Variants in FGFR1OP2 observed in about 807,000 individuals in gnomAD.
The protein encoded by FGFR1OP2 is FGFR1 oncogene partner 2.
In FGFR1OP2, 17 loss-of-function variants were observed where a neutral mutation model predicts 35.2. That is an observed-to-expected ratio of 0.48 (90% CI 0.33 to 0.73). The LOEUF is 0.73. Ranked by LOEUF, FGFR1OP2 falls within the 30% of genes least tolerant of loss-of-function variation. The probability of loss-of-function intolerance (pLI) is 0.02; values close to 1 mark genes in which losing one functional copy is unlikely to be tolerated. For missense variants in FGFR1OP2, 251 were observed against 307.3 expected (o/e 0.82, Z 1.37); for synonymous variants, 105 against 104.6 (o/e 1.00, Z -0.03).
rs140695503 is a variant in FGFR1OP2 at position 26,946,143 on chromosome 12, A to G, written c.-15+7433A>G. Among the ~76,000 whole-genome samples the G allele has an allele frequency of 2.8e-3, 429 of 152,284 alleles. 3 individuals carry two copies. Among genetic ancestry groups the G allele is most frequent in the African/African-American group, 9.6e-3 (401 of 41,556 alleles). ...TTCAGCAGTAAGGGTGGATATGCCT[A>G]TATATCCCTTCAGTTGTTTGAGTTA... On this transcript the variant is annotated intron_variant, in intron 1 of 6. Transcript: ENST00000229395.
chr12:26,951,014 G>A (rs1250743080), intron 1 of FGFR1OP2, among the ~76,000 whole-genome samples: 2 of 152,184 alleles, frequency 1.3e-5, no homozygotes, highest in Non-Finnish European at 2.9e-5. Flanking sequence ...TAGCAATAGG[G>A]ATTTACTATG....
chr12:26,952,409 C>T (rs982646486), intron 1 of FGFR1OP2, among the ~76,000 whole-genome samples: 1 of 151,978 alleles, frequency 6.6e-6, no homozygotes, highest in Admixed American at 6.6e-5. Flanking sequence ...GGCCCTTTTA[C>T]TCCTCATATT....
At position 26,966,101 on chromosome 12, in the gene FGFR1OP2, C is replaced by G. The variant is rs1413580052; in HGVS notation, c.*1368C>G. 6.6e-6 allele frequency: 1 copy of G among 151,912 alleles called. No homozygotes were observed. Among genetic ancestry groups the G allele is most frequent in the Non-Finnish European group, 1.5e-5 (1 of 67,922 alleles). 9.4% of individuals were successfully genotyped at this position (151,912 alleles called of 1,614,324 possible). A position where few individuals can be genotyped will look rare whatever the true frequency, so the allele number is the denominator to read the frequency against. The stretch of plus-strand genomic sequence containing the variant: ...CATATATTGGTAAAATTCAAAACTA[C>G]ACTTGAGAATTTTTTTATCTTAAGT... On this transcript the variant is annotated 3_prime_UTR_variant, in exon 7 of 7. Transcript: ENST00000229395.
At chr12:26,943,959 T>C (rs187750906) in intron 1 of FGFR1OP2, among the ~76,000 whole-genome samples, 1 of 152,366 alleles carries the variant, frequency 6.6e-6, no homozygotes, top group Admixed American at 6.5e-5. Flanking sequence ...AAACAAATTT[T>C]GCATATGTTT....
chr12:26,946,849 T>C (rs547514930), intron 1 of FGFR1OP2, among the ~76,000 whole-genome samples: 2 of 152,318 alleles, frequency 1.3e-5, no homozygotes, highest in South Asian at 4.1e-4. Flanking sequence ...TCCTAATCCC[T>C]CAGTCCTAGA....
intron 3 of FGFR1OP2, among the ~76,000 whole-genome samples, chr12:26,956,902 A>G (rs575675743): frequency 1.3e-5 from 2 of 152,166 alleles, no homozygotes; most frequent in African/African-American, 4.8e-5. Context: ...GAAATGTCCA[A>G]ACTGATCTCC....
At chr12:26,956,137 C>A (rs769274078) in intron 2 of FGFR1OP2, among the ~76,000 whole-genome samples, 3 of 152,092 alleles carry the variant, frequency 2.0e-5, no homozygotes, top group Non-Finnish European at 4.4e-5. Context: ...CACCCCTGAA[C>A]TACATCATTT....
rs765226234 is a variant in FGFR1OP2, at chr12:26,960,504, C to T, written c.397-11C>T. 6.3e-7 allele frequency: 1 copy of T among 1,593,438 alleles called. No individual in the cohort carries two copies. Among genetic ancestry groups the T allele is most frequent in the Admixed American group, 1.7e-5 (1 of 59,816 alleles). On this transcript the variant is annotated splice_polypyrimidine_tract_variant and intron_variant, in intron 4 of 6. Coordinates refer to ENST00000229395, the MANE Select transcript of FGFR1OP2 (RefSeq NM_015633.3). ...TATCCGTATTAACATTATAATGACT[C>T]TATACTACAGATTGACATGGTACAT...
intron 1 of FGFR1OP2, among the ~76,000 whole-genome samples, chr12:26,940,144 A>C (rs999744280): frequency 6.6e-6 from 1 of 152,214 alleles, no homozygotes; most frequent in Non-Finnish European, 1.5e-5. Context: ...ATGTGCATTC[A>C]GGCAACTCTT....
In FGFR1OP2 at chr12:26,964,605, A is replaced by C; in HGVS notation, c.634A>C (p.Lys212Gln). 6.2e-7 allele frequency: 1 copy of C among 1,611,044 alleles called. No individual in the cohort carries two copies. Among genetic ancestry groups the C allele is most frequent in the East Asian group, 2.2e-5 (1 of 44,814 alleles). The change falls in exon 7 of 7, where the codon AAA becomes CAA. Residue 212 changes from lysine (K) to glutamine (Q), a missense_variant. By Grantham distance (53) the Lys-to-Gln change is moderately conservative. Coordinates refer to ENST00000229395, the MANE Select transcript of FGFR1OP2 (RefSeq NM_015633.3). ...ERIFQLEQEN[K>Q]GLREILQITR... ...TTTGCTTGCCTTTTAGCAAGAAAAC[A>C]AAGGCTTGAGAGAGATCCTTCAAAT...
chr12:26,965,908 G>T lies in FGFR1OP2; in HGVS notation c.*1175G>T, dbSNP rs1353117753. 7.9e-5 allele frequency: 12 copies of T among 151,984 alleles called. No individual in the cohort carries two copies. The highest frequency in any genetic ancestry group is 1.8e-4 in the Non-Finnish European group (12 of 67,934). 9.4% of individuals were successfully genotyped at this position (151,984 alleles called of 1,614,324 possible). Reference sequence around the variant, plus strand: ...TCAGTTGAAACCTAAATTTTCTTATGTTGTGGTGATTGTATTAAAAAGGGA... The same window carrying T: ...TCAGTTGAAACCTAAATTTTCTTATTTTGTGGTGATTGTATTAAAAAGGGA... On this transcript the variant is annotated 3_prime_UTR_variant, in exon 7 of 7. Coordinates refer to ENST00000229395, the MANE Select transcript of FGFR1OP2 (RefSeq NM_015633.3).
chr12:26,947,478 G>A (rs1938847878), intron 1 of FGFR1OP2, among the ~76,000 whole-genome samples: 1 of 152,106 alleles, frequency 6.6e-6, no homozygotes. Flanking sequence ...CAGTGGCACA[G>A]CCAGGGTTGA....
chr12:26,941,077 C>T (rs532692366), intron 1 of FGFR1OP2, among the ~76,000 whole-genome samples: 11 of 147,784 alleles, frequency 7.4e-5, no homozygotes, highest in African/African-American at 2.5e-4. Context: ...GAGAATGTGA[C>T]TAATGCAGAA....
intron 5 of FGFR1OP2, chr12:26,961,061 T>G (rs1939098833): frequency 6.3e-6 from 1 of 158,402 alleles, no homozygotes; most frequent in South Asian, 1.8e-4. Context: ...ATGCCTTTGT[T>G]TAGATGTTAG....
At chr12:26,941,138 A>C (rs1361348560) in intron 1 of FGFR1OP2, among the ~76,000 whole-genome samples, 1 of 152,146 alleles carries the variant, frequency 6.6e-6, no homozygotes, top group Non-Finnish European at 1.5e-5. Flanking sequence ...ATTCACCTGT[A>C]ATTTGGACCC....
At chr12:26,961,861 GT>G (rs1283699789) in intron 5 of FGFR1OP2, 2 of 152,220 alleles carry the variant, frequency 1.3e-5, no homozygotes, top group Non-Finnish European at 2.9e-5. Context: ...CCCTTACTCA[GT>G]TTGCAGCTGC....
chr12:26,955,502 C>T (rs932345285), intron 2 of FGFR1OP2, among the ~76,000 whole-genome samples: 4 of 152,168 alleles, frequency 2.6e-5, no homozygotes, highest in African/African-American at 9.7e-5. Context: ...TTTCCTCAGT[C>T]TCTGGCAACC....
chr12:26,939,338 T>C (rs935870539), intron 1 of FGFR1OP2, among the ~76,000 whole-genome samples: 7 of 151,988 alleles, frequency 4.6e-5, no homozygotes, highest in Non-Finnish European at 8.8e-5. Context: ...GAAATACATA[T>C]TTATCTCTGT....
At chr12:26,945,810 G>A (rs1013626973) in intron 1 of FGFR1OP2, among the ~76,000 whole-genome samples, 2 of 149,530 alleles carry the variant, frequency 1.3e-5, no homozygotes, top group African/African-American at 2.5e-5. Flanking sequence ...GCAGTGAGCC[G>A]AGAATGTGCC....
Sources: gnomAD v4.1 joint callset for allele counts (sites outside exome capture counted in the v4.1 genomes callset) on GRCh38, gnomAD v4.1.1 for gene constraint, MANE v1.5 for transcripts, NCBI Gene and HGNC (gene_info 2026-07-23, HGNC 2026-07-21) for gene names.